Variants in TMPRSS2 observed in about 807,000 individuals in gnomAD.
TMPRSS2 encodes the protein transmembrane protease serine 2.
In TMPRSS2, 59 loss-of-function variants were observed where a neutral mutation model predicts 67.4. The observed-to-expected ratio is 0.88, with a 90% CI of 0.71 to 1.09. TMPRSS2 has a LOEUF of 1.09. Among genes scored for constraint, TMPRSS2 ranks in the 50% least tolerant of loss-of-function variants. TMPRSS2 has a pLI of 0.00. For missense variants in TMPRSS2, 668 were observed against 642.7 expected, an observed-to-expected ratio of 1.04 and a Z score of -0.43; for synonymous variants, 257 against 257.0, an observed-to-expected ratio of 1.00 and a Z score of 0.00.
rs112209215 is a variant in TMPRSS2 at position 41,480,995 on chromosome 21, G to A, written c.446-393C>T. On this transcript the variant is annotated intron_variant, in intron 5 of 13. Transcript: ENST00000332149. ...CAAGCCCCGCGCTCTCCACGGCTCCGGAGGTGGCAGCACAGTTCACTCTTC... is the reference window on the plus strand; with the variant it reads ...CAAGCCCCGCGCTCTCCACGGCTCCAGAGGTGGCAGCACAGTTCACTCTTC... 5.7e-3 allele frequency among the ~76,000 whole-genome samples: 860 copies of A among 152,200 alleles called. 7 individuals carry two copies. The highest frequency in any genetic ancestry group is 0.02 in the African/African-American group (817 of 41,504).
chr21:41,501,860 T>C (rs1025487248), intron 1 of TMPRSS2, among the ~76,000 whole-genome samples: 3 of 152,244 alleles, frequency 2.0e-5, no homozygotes, highest in African/African-American at 7.2e-5. Context: ...CGAGAGACAA[T>C]GCTGTTTAGC....
At chr21:41,473,611 C>T in intron 8 of TMPRSS2, 115 bp from the exon 9 acceptor site, 4 of 1,211,238 alleles carry the variant, frequency 3.3e-6, no homozygotes, top group Non-Finnish European at 4.6e-6. Context: ...AGGGGCACCA[C>T]TGCTGGGGAT....
chr21:41,504,761 G>A (rs1266262404), intron 1 of TMPRSS2, among the ~76,000 whole-genome samples: 1 of 152,170 alleles, frequency 6.6e-6, no homozygotes, highest in East Asian at 1.9e-4. Flanking sequence ...CCTGGTGCTT[G>A]CAAGTCAGGG....
intron 3 of TMPRSS2, among the ~76,000 whole-genome samples, chr21:41,490,393 C>G (rs1448609169): frequency 6.6e-6 from 1 of 152,122 alleles, no homozygotes; most frequent in Non-Finnish European, 1.5e-5. Context: ...CTACATGTGG[C>G]TATTTAATTA....
Position 41,479,222 on chromosome 21 carries a change from T to C in TMPRSS2, c.633A>G (p.Lys211=). 6.2e-7 allele frequency: 1 copy of C among 1,614,054 alleles called. No homozygotes were observed. Among genetic ancestry groups the C allele is most frequent in the Non-Finnish European group, 8.5e-7 (1 of 1,179,990 alleles). ...CGACATTGCCGGCACTTGTGTTCAG[T>C]TTCATAAAGCTGGTGGATCCGCTGT... ...VDDSGSTSFM[K]LNTSAGNVDI... The change falls in exon 7 of 14, where the codon AAA becomes AAG. Residue 211 remains lysine, a synonymous_variant. Coordinates refer to ENST00000332149, the MANE Select transcript of TMPRSS2 (RefSeq NM_005656.4).
At chr21:41,488,623 TG>T (rs772953294) in intron 4 of TMPRSS2, 110 bp from the exon 5 acceptor site, 29 of 1,233,358 alleles carry the variant, frequency 2.4e-5, no homozygotes, top group Non-Finnish European at 3.3e-5. Context: ...CTCCAACTCC[TG>T]GCCCCACTGT....
intron 5 of TMPRSS2, among the ~76,000 whole-genome samples, chr21:41,484,103 A>T (rs1012823716): frequency 5.9e-5 from 9 of 152,196 alleles, no homozygotes; most frequent in African/African-American, 2.2e-4. Context: ...TGGGTGACAG[A>T]AGGAGACCTT....
At chr21:41,508,041 C>G in intron 1 of TMPRSS2, 40 bp downstream of exon 1, 1 of 1,304,898 alleles carries the variant, frequency 7.7e-7, no homozygotes, top group South Asian at 2.2e-5. Flanking sequence ...CCTCCCCAGC[C>G]CGGACCCCGA....
intron 5 of TMPRSS2, among the ~76,000 whole-genome samples, chr21:41,483,783 A>T (rs1336153761): frequency 8.1e-4 from 80 of 98,972 alleles, no homozygotes; most frequent in Admixed American, 1.3e-3. Flanking sequence ...TTTTTTTTTT[A>T]AATATTAGGA....
At position 41,467,764 on chromosome 21, in the gene TMPRSS2, T is replaced by A; in HGVS notation, c.1437A>T (p.Val479=). Residue 479 remains valine, a synonymous_variant, in exon 13 of 14, where the codon GTA becomes GTT. Coordinates refer to ENST00000332149, the MANE Select transcript of TMPRSS2 (RefSeq NM_005656.4). ...TTTGTCGATAAATCCAGTCCGTGAA[T>A]ACCATCACATTCCCGTACACTCCTG... ...YRPGVYGNVM[V]FTDWIYRQMR... is the part of the protein sequence containing the mutation. 6.2e-7 allele frequency: 1 copy of A among 1,614,200 alleles called. No homozygotes were observed. The highest frequency in any genetic ancestry group is 8.5e-7 in the Non-Finnish European group (1 of 1,180,036).
At chr21:41,467,632 T>G in intron 13 of TMPRSS2, 102 bp downstream of exon 13, 2 of 1,417,020 alleles carry the variant, frequency 1.4e-6, no homozygotes, top group Admixed American at 3.6e-5. Context: ...TGCTGACCAG[T>G]GGTCACCAGT....
chr21:41,468,169 CT>C (rs2091100011), intron 12 of TMPRSS2: 1 of 629,880 alleles, frequency 1.6e-6, no homozygotes. Flanking sequence ...TCCACTGGCA[CT>C]TTTACCAAAT....
At chr21:41,503,369 T>C (rs934539385) in intron 1 of TMPRSS2, among the ~76,000 whole-genome samples, 7 of 152,262 alleles carry the variant, frequency 4.6e-5, no homozygotes, top group Admixed American at 6.5e-5. Context: ...TTAAAGAACT[T>C]GTCCAAGTCA....
chr21:41,492,397 C>A (rs993435076), intron 3 of TMPRSS2, among the ~76,000 whole-genome samples: 1 of 152,220 alleles, frequency 6.6e-6, no homozygotes, highest in Non-Finnish European at 1.5e-5. Flanking sequence ...TTCGCTCCTA[C>A]TCAATCATCA....
intron 7 of TMPRSS2, among the ~76,000 whole-genome samples, chr21:41,477,168 G>A (rs931028978): frequency 2.6e-5 from 4 of 152,186 alleles, no homozygotes; most frequent in African/African-American, 4.8e-5. Context: ...ATGCTGAGAA[G>A]GGAAGACGCG....
In TMPRSS2 at chr21:41,470,882, TCTCA is replaced by T; in HGVS notation, c.1076-143_1076-140del. 5.2e-6 allele frequency: 3 copies of T among 578,540 alleles called. 1 individual carries two copies. The South Asian group carries it at 7.5e-5, about 15-fold the overall frequency. 35.8% of individuals were successfully genotyped at this position (578,540 alleles called of 1,614,324 possible). On this transcript the variant is annotated intron_variant, in intron 10 of 13. Transcript: ENST00000332149. ...CCCTGCATCCCAACAAGTCCCACAT[TCTCA>T]CTTTCTCCCCCTGCCAGACCTCTCC...
intron 8 of TMPRSS2, among the ~76,000 whole-genome samples, chr21:41,475,529 GGTGAAGGGTGAGTGAGGGGGTGAGGA>G (rs2091200862): frequency 3.4e-5 from 1 of 29,304 alleles, no homozygotes; most frequent in Non-Finnish European, 6.9e-5. Context: ...TGAGTGAGGG[GGTGAAGGGTGAGTGAGGGGGTGAGGA>G]GGTGAGTGAG....
intron 5 of TMPRSS2, 68 bp from the exon 6 acceptor site, chr21:41,480,670 GCT>G: frequency 6.4e-7 from 1 of 1,562,682 alleles, no homozygotes; most frequent in Non-Finnish European, 8.7e-7. Context: ...ACGGAGTCTC[GCT>G]CTGTCACCTA....
At chr21:41,499,516 C>A (rs1020357119) in intron 1 of TMPRSS2, among the ~76,000 whole-genome samples, 1 of 152,202 alleles carries the variant, frequency 6.6e-6, no homozygotes. Flanking sequence ...CAGCCTCCAC[C>A]GTGCCACAGG....
Sources: allele counts gnomAD v4.1 joint callset (sites outside exome capture counted in the v4.1 genomes callset), GRCh38; gene constraint gnomAD v4.1.1; transcripts MANE v1.5; gene names NCBI Gene and HGNC (gene_info 2026-07-23, HGNC 2026-07-21).